The following INPP1 variants were observed in gnomAD, a reference collection of about 807,000 sequenced individuals.
INPP1 encodes inositol polyphosphate-1-phosphatase.
INPP1 carries 18 observed loss-of-function variants against 23.0 expected under a neutral mutation model. The ratio of observed to expected loss-of-function variants is 0.78; its 90% CI spans 0.54 to 1.16. The LOEUF (loss-of-function observed/expected upper bound fraction) is 1.16. Among genes scored for constraint, INPP1 ranks in the 50% most tolerant of loss-of-function variants. The pLI, the probability that INPP1 is intolerant of heterozygous loss-of-function variation, is 0.00. For missense variants in INPP1, 448 were observed against 482.1 expected (o/e 0.93, Z 0.66); for synonymous variants, 164 against 176.3 (o/e 0.93, Z 0.55).
chr2:190,364,896 G>A (rs540162737), intron 4 of INPP1, among the ~76,000 whole-genome samples: 2 of 151,936 alleles, frequency 1.3e-5, no homozygotes, highest in East Asian at 1.9e-4. Context: ...GAGCCACCAC[G>A]CTCAGCCTAA....
Position 190,354,069 on chromosome 2 carries a change from T to C in INPP1, c.-65+5038T>C, listed in dbSNP as rs1689372560. Among the ~76,000 whole-genome samples the C allele has an allele frequency of 6.6e-6, 1 of 152,256 alleles. No homozygotes were observed. Among genetic ancestry groups the C allele is most frequent in the African/African-American group, 2.4e-5 (1 of 41,466 alleles). On this transcript the variant is annotated intron_variant, in intron 2 of 6. Transcript: ENST00000392329. The surrounding 1 kb of genome is among the most constrained non-coding windows in gnomAD (Gnocchi z 4.8). ...TACATTTGGTTTGAGATGGAAGGAA[T>C]GAAACTTCTTTAAGCCCATTTTGCT...
At chr2:190,353,444 G>GA (rs1308848811) in intron 2 of INPP1, among the ~76,000 whole-genome samples, 1 of 152,212 alleles carries the variant, frequency 6.6e-6, no homozygotes, top group Non-Finnish European at 1.5e-5. Context: ...TAAGTTTTAA[G>GA]AAAAGGTTTC....
chr2:190,346,221 C>T lies in INPP1; in HGVS notation c.-209+2260C>T, dbSNP rs1387586975. ...AGAGAAAGGAGATATTTCAAATAGA[C>T]AAAAATGATAAAATTTTAAAATAGT... On this transcript the variant is annotated intron_variant, in intron 1 of 6. Coordinates refer to ENST00000392329, the MANE Select transcript of INPP1 (RefSeq NM_001128928.2). This position sits in a 1 kb window ranked among gnomAD's most constrained non-coding sequence, Gnocchi z 5.1. 1.3e-5 allele frequency among the ~76,000 whole-genome samples: 2 copies of T among 151,678 alleles called. No individual in the cohort carries two copies. The highest frequency in any genetic ancestry group is 6.6e-5 in the Admixed American group (1 of 15,234).
At chr2:190,351,979 T>G (rs909962595) in intron 2 of INPP1, among the ~76,000 whole-genome samples, 3 of 152,238 alleles carry the variant, frequency 2.0e-5, no homozygotes, top group African/African-American at 7.2e-5. Context: ...TTCAGTCTTT[T>G]TTATTTTAGC....
intron 3 of INPP1, among the ~76,000 whole-genome samples, chr2:190,361,611 A>C (rs925087563): frequency 6.6e-6 from 1 of 152,244 alleles, no homozygotes; most frequent in African/African-American, 2.4e-5. Flanking sequence ...AAGCATTATA[A>C]AAATTTCAGG....
At position 190,345,921 on chromosome 2, in the gene INPP1, G is replaced by C. The variant is rs1273787320; in HGVS notation, c.-209+1960G>C. Among the ~76,000 whole-genome samples, 5 of 152,208 alleles carry C rather than the reference G, an allele frequency of 3.3e-5. No individual in the cohort carries two copies. The highest frequency in any genetic ancestry group is 1.2e-4 in the African/African-American group (5 of 41,438). ...AGGCTGGAGGATCCCTGGAACCTAG[G>C]AATCAGAGGTTGCAGTGAGCCCAGA... On this transcript the variant is annotated intron_variant, in intron 1 of 6. Transcript: ENST00000392329. The surrounding 1 kb of genome is among the most constrained non-coding windows in gnomAD (Gnocchi z 4.9).
At chr2:190,361,114 A>G (rs1689525668) in intron 3 of INPP1, among the ~76,000 whole-genome samples, 1 of 144,606 alleles carries the variant, frequency 6.9e-6, no homozygotes, top group South Asian at 2.1e-4. Context: ...ATGAAGAACT[A>G]CTATTACAAT....
Position 190,345,959 on chromosome 2 carries a change from A to C in INPP1, c.-209+1998A>C, listed in dbSNP as rs186954683. 2.2e-4 allele frequency among the ~76,000 whole-genome samples: 33 copies of C among 152,304 alleles called. No individual in the cohort carries two copies. The highest frequency in any genetic ancestry group is 2.1e-3 in the Admixed American group (32 of 15,298). On this transcript the variant is annotated intron_variant, in intron 1 of 6. Transcript: ENST00000392329. The surrounding 1 kb of genome is among the most constrained non-coding windows in gnomAD (Gnocchi z 4.9). Reference sequence around the variant, plus strand: ...CAGTGAGCCCAGATCGCGCCACTGCACTCCAGCCTGGGCGACAAAGCAAGA... The same window carrying C: ...CAGTGAGCCCAGATCGCGCCACTGCCCTCCAGCCTGGGCGACAAAGCAAGA...
intron 4 of INPP1, chr2:190,362,903 G>C (rs1212572598): frequency 1.4e-5 from 5 of 355,004 alleles, no homozygotes; most frequent in African/African-American, 2.1e-5. Context: ...GCAAGTCCAT[G>C]TATCATTTTA....
Position 190,345,157 on chromosome 2 carries a change from C to G in INPP1, c.-209+1196C>G, listed in dbSNP as rs1689191100. 6.6e-6 allele frequency among the ~76,000 whole-genome samples: 1 copy of G among 152,078 alleles called. No individual in the cohort carries two copies. Among genetic ancestry groups the G allele is most frequent in the African/African-American group, 2.4e-5 (1 of 41,404 alleles). ...TTTTAAGTTTTTATGGATTTTTATA[C>G]TACTTTTGAAGTCAGCTTAGTCATG... On this transcript the variant is annotated intron_variant, in intron 1 of 6. Coordinates refer to ENST00000392329, the MANE Select transcript of INPP1 (RefSeq NM_001128928.2). This position sits in a 1 kb window ranked among gnomAD's most constrained non-coding sequence, Gnocchi z 4.9.
chr2:190,347,025 T>TG (rs1246808144), intron 1 of INPP1, among the ~76,000 whole-genome samples: 1 of 148,682 alleles, frequency 6.7e-6, no homozygotes, highest in African/African-American at 2.5e-5. Context: ...TTTTTTTTTT[T>TG]TTTTGAGACA....
chr2:190,366,587 C>A, intron 4 of INPP1, 108 bp from the exon 5 acceptor site: 1 of 759,904 alleles, frequency 1.3e-6, no homozygotes, highest in Non-Finnish European at 2.2e-6. Flanking sequence ...CTCTCTCTGT[C>A]TCTCTCTCTC....
At chr2:190,362,051 T>A (rs1689545275) in intron 3 of INPP1, among the ~76,000 whole-genome samples, 1 of 152,230 alleles carries the variant, frequency 6.6e-6, no homozygotes, top group South Asian at 2.1e-4. Context: ...ATTCACTCTA[T>A]ATATTGATAC....
chr2:190,360,106 T>A lies in INPP1; in HGVS notation c.4T>A (p.Ser2Thr), dbSNP rs1689505277. Residue 2 changes from serine to threonine, a missense_variant, in exon 3 of 7, where the codon TCA becomes ACA. Physicochemically the swap from Ser to Thr is moderately conservative, Grantham distance 58. Coordinates refer to ENST00000392329, the MANE Select transcript of INPP1 (RefSeq NM_001128928.2). ...AACTGAAAAGCAAGGTTCAGAAATG[T>A]CAGATATCCTCCGGGAGCTGCTCTG... M[S>T]DILRELLCVS... is the part of the protein sequence containing the mutation. 6.2e-7 allele frequency: 1 copy of A among 1,612,682 alleles called. No individual in the cohort carries two copies. Among genetic ancestry groups the A allele is most frequent in the Admixed American group, 1.7e-5 (1 of 60,004 alleles).
intron 4 of INPP1, among the ~76,000 whole-genome samples, chr2:190,364,492 A>G (rs1170962581): frequency 1.3e-5 from 2 of 149,650 alleles, no homozygotes; most frequent in East Asian, 4.1e-4. Context: ...CAGTGAGCGG[A>G]GATCGCACCA....
rs920606263 is a variant in INPP1 at position 190,354,812 on chromosome 2, A to G, written c.-64-5227A>G. On this transcript the variant is annotated intron_variant, in intron 2 of 6. Transcript: ENST00000392329. The surrounding 1 kb of genome is among the most constrained non-coding windows in gnomAD (Gnocchi z 4.8). ...TAATAGATGAGCTTTTACTACCCAG[A>G]AGGGTCCTTAACAGAGGCTGAAGAT... Among the ~76,000 whole-genome samples, 2 of 152,208 alleles carry G rather than the reference A, an allele frequency of 1.3e-5. No homozygotes were observed. The highest frequency in any genetic ancestry group is 1.9e-4 in the East Asian group (1 of 5,200).
At chr2:190,357,726 C>T (rs1425629686) in intron 2 of INPP1, among the ~76,000 whole-genome samples, 1 of 152,222 alleles carries the variant, frequency 6.6e-6, no homozygotes, top group Non-Finnish European at 1.5e-5. Flanking sequence ...GCAGTGACAT[C>T]TGCAGGGATC....
intron 1 of INPP1, among the ~76,000 whole-genome samples, chr2:190,347,856 G>C (rs1261894099): frequency 6.6e-6 from 1 of 152,192 alleles, no homozygotes; most frequent in Non-Finnish European, 1.5e-5. Flanking sequence ...TGAGGATGGA[G>C]GCTGGGCATG....
rs16832588 is a variant in INPP1 at position 190,348,186 on chromosome 2, A to G, written c.-208-702A>G. Among the ~76,000 whole-genome samples the G allele has an allele frequency of 1.4e-4, 21 of 152,256 alleles. No individual in the cohort carries two copies. The East Asian group carries it at 3.3e-3, about 24-fold the overall frequency. On this transcript the variant is annotated intron_variant, in intron 1 of 6. Coordinates refer to ENST00000392329, the MANE Select transcript of INPP1 (RefSeq NM_001128928.2). ...AACAAAACACCGGTGTGGTTGCTGT[A>G]TGAAATCAACTTAAATAGCCTAGTG... is the stretch of plus-strand genomic sequence containing the variant.
Sources: gnomAD v4.1 joint callset for allele counts (sites outside exome capture counted in the v4.1 genomes callset) on GRCh38, gnomAD v4.1.1 for gene constraint, Gnocchi (gnomAD v3.1) non-coding constraint, MANE v1.5 for transcripts, NCBI Gene and HGNC (gene_info 2026-07-23, HGNC 2026-07-21) for gene names.